The following ZNF611 variants were observed in gnomAD, a reference collection of about 807,000 sequenced individuals.
ZNF611 encodes zinc finger protein 611.
A neutral mutation model predicts 8.9 loss-of-function variants in ZNF611; 6 were observed. The observed-to-expected ratio is 0.68, with a 90% confidence interval of 0.37 to 1.34. The LOEUF is 1.34. Among genes scored for constraint, ZNF611 ranks in the 40% most tolerant of loss-of-function variants. The pLI is 0.02. For missense variants in ZNF611, 874 were observed against 841.3 expected (o/e 1.04, Z -0.48); for synonymous variants, 262 against 279.7 (o/e 0.94, Z 0.63).
In ZNF611 at chr19:52,722,078, T is replaced by C. The variant is rs369400529; in HGVS notation, c.-19-6165A>G. ...AATAATAATAATAATAATTAGTATGTAGGCCAGGTGCGGTGGCTCATCCCT... is the reference window on the plus strand; with the variant it reads ...AATAATAATAATAATAATTAGTATGCAGGCCAGGTGCGGTGGCTCATCCCT... On this transcript the variant is annotated intron_variant, in intron 3 of 5. Coordinates refer to ENST00000652185, the MANE Select transcript of ZNF611 (RefSeq NM_001161499.2). Among the ~76,000 whole-genome samples, 5 of 151,516 alleles carry C rather than the reference T, an allele frequency of 3.3e-5. No homozygotes were observed. The East Asian group carries it at 5.9e-4, about 18-fold the overall frequency.
chr19:52,723,896 A>T (rs1419814102), intron 3 of ZNF611: 1 of 152,222 alleles, frequency 6.6e-6, no homozygotes, highest in Non-Finnish European at 1.5e-5. Context: ...GGGTAGATTT[A>T]TGTTTGACTT....
Position 52,703,271 on chromosome 19 carries a change from G to C in ZNF611, c.*1666C>G, listed in dbSNP as rs868798062. On this transcript the variant is annotated 3_prime_UTR_variant, in exon 6 of 6. Coordinates refer to ENST00000652185, the MANE Select transcript of ZNF611 (RefSeq NM_001161499.2). ...TATACGAGAAGAAAAGCATTTTTGA[G>C]GTCTTTTTTTGTTATTTTTTGTTTG... 1 of 151,962 alleles carries C rather than the reference G, an allele frequency of 6.6e-6. No homozygotes were observed. The highest frequency in any genetic ancestry group is 2.1e-4 in the South Asian group (1 of 4,826). The allele number at this position is 151,962 out of a possible 1,614,324, so 9.4% of individuals were successfully genotyped here. A position where few individuals can be genotyped will look rare whatever the true frequency, so the allele number is the denominator to read the frequency against.
At chr19:52,715,068 T>C (rs946184297) in intron 4 of ZNF611, among the ~76,000 whole-genome samples, 2 of 152,156 alleles carry the variant, frequency 1.3e-5, no homozygotes, top group South Asian at 4.1e-4. Flanking sequence ...ATGCCAGATA[T>C]TATGTTCAAC....
In ZNF611 at chr19:52,714,003, C is replaced by G; in HGVS notation, c.190+12G>C. ...AGCAGACTCCTCATGTCTGCAGGGA[C>G]ATTTTCCTCACCCACAGCCTCCAGG... On this transcript the variant is annotated intron_variant, in intron 5 of 5. Transcript: ENST00000652185. The G allele has an allele frequency of 6.2e-7, 1 of 1,614,002 alleles. No individual in the cohort carries two copies. Among genetic ancestry groups the G allele is most frequent in the Non-Finnish European group, 8.5e-7 (1 of 1,179,974 alleles).
chr19:52,725,498 T>C (rs2062385851), intron 3 of ZNF611, among the ~76,000 whole-genome samples: 2 of 152,126 alleles, frequency 1.3e-5, no homozygotes, highest in South Asian at 2.1e-4. Flanking sequence ...CGATAGGAAG[T>C]GTATACATTG....
intron 1 of ZNF611, among the ~76,000 whole-genome samples, chr19:52,734,072 A>T (rs1289427306): frequency 1.3e-5 from 2 of 151,404 alleles, no homozygotes; most frequent in African/African-American, 4.9e-5. Context: ...CCTCACTCTG[A>T]TGAGTCTCCC....
In ZNF611 at chr19:52,703,659, T is replaced by G. The variant is rs887097697; in HGVS notation, c.*1278A>C. On this transcript the variant is annotated 3_prime_UTR_variant, in exon 6 of 6. Coordinates refer to ENST00000652185, the MANE Select transcript of ZNF611 (RefSeq NM_001161499.2). The stretch of plus-strand genomic sequence containing the variant: ...CAGGCTGGAGCCCAGTGGTGCGATC[T>G]CGACTCCCTGCAAGCTCCGCCTCAC... 1 of 147,086 alleles carries G rather than the reference T, an allele frequency of 6.8e-6. No homozygotes were observed. Among genetic ancestry groups the G allele is most frequent in the Non-Finnish European group, 1.5e-5 (1 of 67,176 alleles). 9.1% of individuals were successfully genotyped at this position (147,086 alleles called of 1,614,324 possible).
In ZNF611 at chr19:52,716,668, G is replaced by A. The variant is rs571374963; in HGVS notation, c.-19-755C>T. Among the ~76,000 whole-genome samples the A allele has an allele frequency of 2.4e-4, 37 of 152,294 alleles. 1 individual carries two copies. Among genetic ancestry groups the A allele is most frequent in the Admixed American group, 2.0e-3 (31 of 15,298 alleles). The stretch of plus-strand genomic sequence containing the variant: ...AAAGGGAAAAGTCAAGCTGGGAACT[G>A]CAAGGGAACCAGACTCCCCTTCTAT... On this transcript the variant is annotated intron_variant, in intron 3 of 5. Transcript: ENST00000652185.
intron 5 of ZNF611, among the ~76,000 whole-genome samples, chr19:52,712,456 TAAAAAAAA>T (rs55649603): frequency 5.3e-5 from 2 of 37,466 alleles, no homozygotes; most frequent in African/African-American, 2.2e-4. Context: ...CTGTCTCTAC[TAAAAAAAA>T]AAAAAAAAAA....
Position 52,704,589 on chromosome 19 carries a change from A to G in ZNF611, c.*348T>C. The G allele has an allele frequency of 6.4e-7, 1 of 1,565,710 alleles. No homozygotes were observed. Among genetic ancestry groups the G allele is most frequent in the Non-Finnish European group, 8.8e-7 (1 of 1,140,008 alleles). The stretch of plus-strand genomic sequence containing the variant: ...GTGAACGATCTCTGAAAAATTTGCC[A>G]CATTTATTACACTTGTAAGATCTCT... On this transcript the variant is annotated 3_prime_UTR_variant, in exon 6 of 6. Coordinates refer to ENST00000652185, the MANE Select transcript of ZNF611 (RefSeq NM_001161499.2).
intron 5 of ZNF611, 109 bp from the exon 6 acceptor site, chr19:52,706,973 A>C: frequency 2.0e-6 from 3 of 1,484,682 alleles, no homozygotes; most frequent in East Asian, 2.3e-5. Flanking sequence ...CTTCCCAAAC[A>C]TCATCTTCAA....
At chr19:52,731,886 G>A (rs756877044) in intron 1 of ZNF611, among the ~76,000 whole-genome samples, 68 of 150,910 alleles carry the variant, frequency 4.5e-4, no homozygotes, top group Non-Finnish European at 8.5e-4. Flanking sequence ...CAGTAGAATC[G>A]CTTGATGCTA....
chr19:52,712,034 G>C (rs2062283583), intron 5 of ZNF611, among the ~76,000 whole-genome samples: 2 of 152,084 alleles, frequency 1.3e-5, no homozygotes, highest in Non-Finnish European at 2.9e-5. Flanking sequence ...TTGACCCAAG[G>C]TTAAATATGC....
At chr19:52,732,116 A>G (rs927773583) in intron 1 of ZNF611, among the ~76,000 whole-genome samples, 2 of 151,294 alleles carry the variant, frequency 1.3e-5, no homozygotes, top group South Asian at 2.1e-4. Flanking sequence ...TAATAATACA[A>G]AAAATTAGCT....
rs377939 is a variant in ZNF611, at chr19:52,715,720, G to A, written c.63+112C>T. The A allele has an allele frequency of 8.3e-5, 126 of 1,522,712 alleles. No individual in the cohort carries two copies. The African/African-American group carries it at 1.1e-3, about 13-fold the overall frequency. 94.3% of individuals were successfully genotyped at this position (1,522,712 alleles called of 1,614,324 possible). ...ACTGAGGGCAGGCATGGGTGAGTGC[G>A]AGTGAACGTGTCAGACAAGATGCTT... On this transcript the variant is annotated intron_variant, in intron 4 of 5. Transcript: ENST00000652185.
chr19:52,706,174 T>C lies in ZNF611; in HGVS notation c.881A>G (p.Lys294Arg). ...AAGGGATGACTCCTGACTGAAGGTC[T>C]TGCCACACTCTTTACACTTGTAAGG... ...EKPYKCKECG[K>R]TFSQESSLTC... is the part of the protein sequence containing the mutation. Residue 294 changes from lysine to arginine, a missense_variant, in exon 6 of 6, where the codon AAG (lysine) becomes AGG (arginine). Physicochemically the swap from Lys to Arg is conservative, Grantham distance 26. Coordinates refer to ENST00000652185, the MANE Select transcript of ZNF611 (RefSeq NM_001161499.2). 1 of 1,614,194 alleles carries C rather than the reference T, an allele frequency of 6.2e-7. No homozygotes were observed. Among genetic ancestry groups the C allele is most frequent in the Non-Finnish European group, 8.5e-7 (1 of 1,180,006 alleles).
Position 52,703,274 on chromosome 19 carries a change from C to A in ZNF611, c.*1663G>T, listed in dbSNP as rs1205780078. 1 of 151,884 alleles carries A rather than the reference C, an allele frequency of 6.6e-6. No homozygotes were observed. The highest frequency in any genetic ancestry group is 1.5e-5 in the Non-Finnish European group (1 of 67,970). 9.4% of individuals were successfully genotyped at this position (151,884 alleles called of 1,614,324 possible). On this transcript the variant is annotated 3_prime_UTR_variant, in exon 6 of 6. Coordinates refer to ENST00000652185, the MANE Select transcript of ZNF611 (RefSeq NM_001161499.2). ...ACGAGAAGAAAAGCATTTTTGAGGT[C>A]TTTTTTTGTTATTTTTTGTTTGTTT...
intron 5 of ZNF611, among the ~76,000 whole-genome samples, chr19:52,709,211 A>T (rs1031607848): frequency 1.3e-5 from 2 of 152,078 alleles, no homozygotes; most frequent in Non-Finnish European, 2.9e-5. Context: ...AATTATGAAT[A>T]GCACTAGGGC....
intron 3 of ZNF611, among the ~76,000 whole-genome samples, chr19:52,721,992 A>G (rs1351096786): frequency 6.6e-6 from 1 of 151,990 alleles, no homozygotes; most frequent in East Asian, 1.9e-4. Context: ...AGAGATACTC[A>G]TTAGCCAAGA....
Sources: allele counts gnomAD v4.1 joint callset (sites outside exome capture counted in the v4.1 genomes callset), GRCh38; gene constraint gnomAD v4.1.1; transcripts MANE v1.5; gene names NCBI Gene and HGNC (gene_info 2026-07-23, HGNC 2026-07-21).